Variants in WDR72 observed in about 807,000 individuals in gnomAD.
WDR72 encodes the protein WD repeat-containing protein 72.
WDR72 carries 120 observed loss-of-function variants against 124.2 expected under a neutral mutation model. The observed-to-expected ratio is 0.97, with a 90% CI of 0.83 to 1.12. WDR72 has a LOEUF of 1.12. WDR72 is among the 50% of genes most tolerant of loss of function. WDR72 has a pLI of 0.00. For missense variants in WDR72, 1,387 were observed against 1,278.8 expected (o/e 1.08, Z -1.29); for synonymous variants, 452 against 441.7 (o/e 1.02, Z -0.29).
chr15:53,730,782 C>T (rs6493646), intron 2 of WDR72, among the ~76,000 whole-genome samples: 20,571 of 152,114 alleles, frequency 0.14, 1,614 homozygotes, highest in Middle Eastern at 0.19. Context: ...CCTTTATATA[C>T]ACATTTTTTA....
chr15:53,676,184 G>T (rs530119196), intron 13 of WDR72, among the ~76,000 whole-genome samples: 17 of 152,184 alleles, frequency 1.1e-4, no homozygotes, highest in African/African-American at 2.9e-4. Context: ...AGAAAGGTAG[G>T]ACTGTCCTAC....
intron 13 of WDR72, among the ~76,000 whole-genome samples, chr15:53,668,063 A>G (rs1366502363): frequency 2.0e-5 from 3 of 152,182 alleles, no homozygotes; most frequent in Non-Finnish European, 4.4e-5. Flanking sequence ...GAGCTTCCTT[A>G]AAACCTAATG....
intron 14 of WDR72, among the ~76,000 whole-genome samples, chr15:53,628,695 T>G (rs566553236): frequency 6.6e-6 from 1 of 152,324 alleles, no homozygotes; most frequent in South Asian, 2.1e-4. Flanking sequence ...ATTTGTGTTA[T>G]GACAAATTAA....
At chr15:53,727,610 C>T (rs958336255) in intron 2 of WDR72, among the ~76,000 whole-genome samples, 15 of 152,318 alleles carry the variant, frequency 9.8e-5, no homozygotes, top group Middle Eastern at 3.4e-3. Context: ...TGTCATCACA[C>T]TCAGGGGTGC....
At chr15:53,667,418 T>C (rs942741877) in intron 13 of WDR72, among the ~76,000 whole-genome samples, 4 of 63,700 alleles carry the variant, frequency 6.3e-5, no homozygotes, top group Non-Finnish European at 1.3e-4. Flanking sequence ...GGGACTTTAA[T>C]TTTTATAAAT....
rs756436240 is a variant in WDR72 at position 53,711,429 on chromosome 15, C to G, written c.764G>C (p.Gly255Ala). The part of the protein sequence containing the change: ...SLLLTEVSRN[G>A]QFFAGGEVIA... ...CACTTCTCCACCAGCAAAGAACTGC[C>G]CATTTCTACTAACTTCAGTCAGCAG... The change falls in exon 8 of 20, where the codon GGG becomes GCG. Residue 255 changes from glycine to alanine, a missense_variant. Transcript: ENST00000360509. 4 of 1,614,014 alleles carry G rather than the reference C, an allele frequency of 2.5e-6. No individual in the cohort carries two copies. The highest frequency in any genetic ancestry group is 2.7e-5 in the African/African-American group (2 of 74,974).
At chr15:53,663,528 G>A (rs1044424197) in intron 14 of WDR72, among the ~76,000 whole-genome samples, 1 of 152,120 alleles carries the variant, frequency 6.6e-6, no homozygotes, top group Non-Finnish European at 1.5e-5. Context: ...GAGTAGCTAT[G>A]AAGCTCTTCA....
At chr15:53,731,128 G>T (rs1484303982) in intron 2 of WDR72, among the ~76,000 whole-genome samples, 1 of 152,100 alleles carries the variant, frequency 6.6e-6, no homozygotes, top group Non-Finnish European at 1.5e-5. Context: ...AAAACACAAA[G>T]CTGATCCCAT....
chr15:53,729,600 G>A (rs1441085412), intron 2 of WDR72, among the ~76,000 whole-genome samples: 1 of 151,926 alleles, frequency 6.6e-6, no homozygotes, highest in Non-Finnish European at 1.5e-5. Flanking sequence ...TATGCTCCAG[G>A]TCTACTCAAC....
chr15:53,722,775 G>T, intron 3 of WDR72, 27 bp downstream of exon 3: 3 of 1,593,282 alleles, frequency 1.9e-6, no homozygotes, highest in Non-Finnish European at 2.6e-6. Context: ...AATGGAGAAG[G>T]GGACAAAGTT....
chr15:53,740,957 T>A (rs2018493349), intron 1 of WDR72, among the ~76,000 whole-genome samples: 1 of 152,222 alleles, frequency 6.6e-6, no homozygotes, highest in South Asian at 2.1e-4. Context: ...TTACTACTAT[T>A]ATTTTTATTT....
At chr15:53,659,879 A>G (rs1032067841) in intron 14 of WDR72, among the ~76,000 whole-genome samples, 1 of 152,102 alleles carries the variant, frequency 6.6e-6, no homozygotes, top group African/African-American at 2.4e-5. Context: ...TCTTTATTCC[A>G]TCTTCCTAGG....
chr15:53,539,503 A>G (rs1566949269), intron 18 of WDR72, among the ~76,000 whole-genome samples: 1 of 152,098 alleles, frequency 6.6e-6, no homozygotes, highest in African/African-American at 2.4e-5. Context: ...AGAGTAAAAG[A>G]GTATCATTTC....
chr15:53,599,157 T>C (rs1331277829), intron 17 of WDR72, among the ~76,000 whole-genome samples: 1 of 152,098 alleles, frequency 6.6e-6, no homozygotes, highest in African/African-American at 2.4e-5. Flanking sequence ...ATATTAAGTA[T>C]TATATATGTT....
intron 18 of WDR72, among the ~76,000 whole-genome samples, chr15:53,557,254 T>C (rs147799565): frequency 1.3e-4 from 20 of 152,246 alleles, no homozygotes; most frequent in African/African-American, 4.6e-4. Context: ...TTGCCTGTTT[T>C]CTAAGTGAAG....
intron 14 of WDR72, among the ~76,000 whole-genome samples, chr15:53,632,463 G>C (rs1027520715): frequency 1.3e-5 from 2 of 152,068 alleles, no homozygotes; most frequent in African/African-American, 4.8e-5. Flanking sequence ...ACCTCTACTA[G>C]AGCACTGCAG....
chr15:53,745,854 G>A (rs1207688265), intron 1 of WDR72, among the ~76,000 whole-genome samples: 4 of 152,120 alleles, frequency 2.6e-5, no homozygotes, highest in Non-Finnish European at 5.9e-5. Context: ...CCAAAGAAAT[G>A]AGTGGCCGAG....
chr15:53,619,957 G>A (rs57836480), intron 14 of WDR72, among the ~76,000 whole-genome samples: 19,205 of 152,022 alleles, frequency 0.13, 2,739 homozygotes, highest in African/African-American at 0.35. Context: ...AAATACCATT[G>A]AAAATTGAAT....
intron 1 of WDR72, among the ~76,000 whole-genome samples, chr15:53,740,646 T>G (rs779919588): frequency 6.6e-6 from 1 of 152,236 alleles, no homozygotes; most frequent in Non-Finnish European, 1.5e-5. Context: ...GAATCATTTC[T>G]TAATCACTCA....
Sources: allele counts gnomAD v4.1 joint callset (sites outside exome capture counted in the v4.1 genomes callset), GRCh38; gene constraint gnomAD v4.1.1; transcripts MANE v1.5; gene names NCBI Gene and HGNC (gene_info 2026-07-23, HGNC 2026-07-21).